URB2: variants seen among roughly 807,000 people sequenced by gnomAD.
URB2 encodes unhealthy ribosome biogenesis protein 2 homolog.
Under a neutral mutation model 120.9 loss-of-function variants are expected in URB2, and 86 were observed. The ratio of observed to expected loss-of-function variants is 0.71; its 90% CI spans 0.60 to 0.85. The LOEUF (loss-of-function observed/expected upper bound fraction) is 0.85, where lower values mean the gene tolerates loss of function less well. URB2 is among the 40% of genes least tolerant of loss of function. URB2 has a pLI of 0.00. For missense variants in URB2, 1,765 were observed against 1,836.5 expected, an observed-to-expected ratio of 0.96 and a Z score of 0.71; for synonymous variants, 755 against 758.4, an observed-to-expected ratio of 1.00 and a Z score of 0.07.
At position 229,636,498 on chromosome 1, in the gene URB2, T is replaced by C. The variant is rs1665826286; in HGVS notation, c.1885T>C (p.Ser629Pro). The C allele has an allele frequency of 6.2e-7, 1 of 1,614,114 alleles. No homozygotes were observed. Among genetic ancestry groups the C allele is most frequent in the Non-Finnish European group, 8.5e-7 (1 of 1,180,038 alleles). ...CAGTTTGAACTGTAGCCAGTATCACTCTATGTCTGGGCCCCTTATAGGTGT... is the reference window on the plus strand; with the variant it reads ...CAGTTTGAACTGTAGCCAGTATCACCCTATGTCTGGGCCCCTTATAGGTGT... ...MFSLNCSQYH[S>P]MSGPLIGVAL... Residue 629 changes from serine to proline, a missense_variant, in exon 4 of 10, where the codon TCT becomes CCT. By Grantham distance (74) the Ser-to-Pro change is moderately conservative. Coordinates refer to ENST00000258243, the MANE Select transcript of URB2 (RefSeq NM_014777.4).
In URB2 at chr1:229,647,640, C is replaced by T. The variant is rs1282686537; in HGVS notation, c.4037C>T (p.Ala1346Val). The T allele has an allele frequency of 1.2e-6, 2 of 1,614,140 alleles. No individual in the cohort carries two copies. Among genetic ancestry groups the T allele is most frequent in the South Asian group, 2.2e-5 (2 of 91,066 alleles). ...GGCAACCCCCACCACGTCAGCCTGG[C>T]CTTCAGCATCCTTCTCACTGTCCCT... ...AIGNPHHVSL[A>V]FSILLTVPLD... The change falls in exon 7 of 10, where the codon GCC becomes GTC. Residue 1346 changes from alanine to valine, a missense_variant. Physicochemically the swap from Ala to Val is moderately conservative, Grantham distance 64. Coordinates refer to ENST00000258243, the MANE Select transcript of URB2 (RefSeq NM_014777.4).
In URB2 at chr1:229,643,676, T is replaced by A. The variant is rs1666067345; in HGVS notation, c.3778T>A (p.Trp1260Arg). ...ILQGLDVSNM[W>R]KADVQAVVSA... ...CCAGGGACTGGATGTCAGTAACATG[T>A]GGAAAGCAGATGTGCAGGTGGGTGC... Residue 1260 changes from tryptophan to arginine, a missense_variant, in exon 5 of 10, where the codon TGG (tryptophan) becomes AGG (arginine). Coordinates refer to ENST00000258243, the MANE Select transcript of URB2 (RefSeq NM_014777.4). 2 of 1,613,770 alleles carry A rather than the reference T, an allele frequency of 1.2e-6. No homozygotes were observed. The highest frequency in any genetic ancestry group is 1.7e-6 in the Non-Finnish European group (2 of 1,179,926).
Position 229,637,132 on chromosome 1 carries a change from G to A in URB2, c.2519G>A (p.Trp840Ter). 6.2e-7 allele frequency: 1 copy of A among 1,613,106 alleles called. No individual in the cohort carries two copies. The highest frequency in any genetic ancestry group is 8.5e-7 in the Non-Finnish European group (1 of 1,179,402). Residue 840 changes from tryptophan to a stop codon, truncating the protein, a stop_gained, in exon 4 of 10, where the codon TGG becomes TAG. Transcript: ENST00000258243. LOFTEE classifies it high-confidence loss of function. ...GGTCTTGTCAGTCAGCAGCTTCCCT[G>A]GCTTTTTGAAAAGGACCACATGGTT... The part of the protein sequence containing the change: ...DSGLVSQQLP[W>*]LFEKDHMVVG...
intron 7 of URB2, among the ~76,000 whole-genome samples, chr1:229,648,877 A>G (rs150293054): frequency 1.2e-4 from 19 of 152,346 alleles, no homozygotes; most frequent in African/African-American, 4.3e-4. Flanking sequence ...CATAGATCGT[A>G]TAATACTTTC....
At chr1:229,644,817 A>G (rs1289629682) in intron 5 of URB2, among the ~76,000 whole-genome samples, 3 of 152,150 alleles carry the variant, frequency 2.0e-5, no homozygotes, top group Admixed American at 6.5e-5. Flanking sequence ...GACAATGTGA[A>G]ATGCCTGGCA....
intron 7 of URB2, among the ~76,000 whole-genome samples, chr1:229,650,336 C>T (rs1666237499): frequency 6.6e-6 from 1 of 152,294 alleles, no homozygotes; most frequent in South Asian, 2.1e-4. Context: ...TAAGTAGTCA[C>T]ATGTGGCTGG....
In URB2 at chr1:229,636,813, A is replaced by G; in HGVS notation, c.2200A>G (p.Thr734Ala). 1.9e-6 allele frequency: 3 copies of G among 1,613,032 alleles called. No homozygotes were observed. Among genetic ancestry groups the G allele is most frequent in the Non-Finnish European group, 2.5e-6 (3 of 1,179,150 alleles). Residue 734 changes from threonine (T) to alanine (A), a missense_variant, in exon 4 of 10, where the codon ACA becomes GCA. Physicochemically the swap from Thr to Ala is moderately conservative, Grantham distance 58. Transcript: ENST00000258243. ...CCAAGTTGGGATGGTGAGTGGACTC[A>G]CATACCCTGTAGCACACTGGCACTT... ...DGQVGMVSGL[T>A]YPVAHWHLIV...
chr1:229,639,229 G>A (rs1217939188), intron 4 of URB2, among the ~76,000 whole-genome samples: 1 of 151,996 alleles, frequency 6.6e-6, no homozygotes, highest in Admixed American at 6.6e-5. Context: ...CAGGGAGGTC[G>A]GTGCTGCAGT....
At chr1:229,634,809 C>A in intron 3 of URB2, 108 bp from the exon 4 acceptor site, 1 of 1,042,528 alleles carries the variant, frequency 9.6e-7, no homozygotes. Flanking sequence ...TCTTTCTTAC[C>A]AAGATGAGGG....
At position 229,636,732 on chromosome 1, in the gene URB2, A is replaced by C. The variant is rs750326524; in HGVS notation, c.2119A>C (p.Ile707Leu). The change falls in exon 4 of 10, where the codon ATT becomes CTT. Residue 707 changes from isoleucine (I) to leucine (L), a missense_variant. Coordinates refer to ENST00000258243, the MANE Select transcript of URB2 (RefSeq NM_014777.4). ...IQSLRCDAAF[I>L]IGSGRKSLNQ... is the part of the protein sequence containing the mutation. Reference sequence around the variant, plus strand: ...AAGTTTGAGGTGCGATGCTGCCTTTATTATTGGTTCCGGCAGAAAAAGCTT... The same window carrying C: ...AAGTTTGAGGTGCGATGCTGCCTTTCTTATTGGTTCCGGCAGAAAAAGCTT... 1 of 1,612,736 alleles carries C rather than the reference A, an allele frequency of 6.2e-7. No homozygotes were observed. Among genetic ancestry groups the C allele is most frequent in the Admixed American group, 1.7e-5 (1 of 59,716 alleles).
At position 229,638,191 on chromosome 1, in the gene URB2, C is replaced by T; in HGVS notation, c.3578C>T (p.Pro1193Leu). 1.9e-6 allele frequency: 3 copies of T among 1,611,786 alleles called. No individual in the cohort carries two copies. The highest frequency in any genetic ancestry group is 1.1e-5 in the South Asian group (1 of 90,854). The change falls in exon 4 of 10, where the codon CCC becomes CTC. Residue 1193 changes from proline to leucine, a missense_variant. Physicochemically the swap from Pro to Leu is moderately conservative, Grantham distance 98. Coordinates refer to ENST00000258243, the MANE Select transcript of URB2 (RefSeq NM_014777.4). ...TTCTTTTTGGCCCCAGAACTGCATC[C>T]CAAAAAGGACTCCGTGTTTACCTCC... Reference protein sequence around the residue: ...TLFFLAPELHPKKDSVFTSMF... With the variant: ...TLFFLAPELHLKKDSVFTSMF...
intron 2 of URB2, among the ~76,000 whole-genome samples, chr1:229,630,146 T>C (rs574874150): frequency 1.9e-4 from 29 of 152,336 alleles, no homozygotes; most frequent in African/African-American, 6.7e-4. Flanking sequence ...TTGACCTCTT[T>C]CCATGATTCA....
At position 229,654,270 on chromosome 1, in the gene URB2, C is replaced by A. The variant is rs144397425; in HGVS notation, c.4259C>A (p.Thr1420Lys). The A allele has an allele frequency of 5.0e-6, 8 of 1,613,872 alleles. No homozygotes were observed. Among genetic ancestry groups the A allele is most frequent in the Non-Finnish European group, 6.8e-6 (8 of 1,179,938 alleles). Residue 1420 changes from threonine (T) to lysine (K), a missense_variant, in exon 9 of 10, where the codon ACG becomes AAG. Thr to Lys is a moderately conservative substitution (Grantham distance 78). Coordinates refer to ENST00000258243, the MANE Select transcript of URB2 (RefSeq NM_014777.4). ...GTAGGAAGCATAGATGACCTGCCTA[C>A]GGTCCTAAAGTGTGCACGCCTGGTT... is the stretch of plus-strand genomic sequence containing the variant. The part of the protein sequence containing the change: ...KDKGSIDDLP[T>K]VLKCARLVER...
chr1:229,655,740 G>C (rs1345696592), intron 9 of URB2, among the ~76,000 whole-genome samples: 1 of 152,128 alleles, frequency 6.6e-6, no homozygotes, highest in Non-Finnish European at 1.5e-5. Context: ...CATTTATATT[G>C]TGTTCAATCT....
chr1:229,643,357 G>A (rs1666058987), intron 4 of URB2, among the ~76,000 whole-genome samples, 176 bp from the exon 5 acceptor site: 1 of 152,246 alleles, frequency 6.6e-6, no homozygotes, highest in East Asian at 1.9e-4. Flanking sequence ...GCGTGTGAGA[G>A]CATGGCATCA....
intron 9 of URB2, among the ~76,000 whole-genome samples, chr1:229,657,652 T>G (rs983874133): frequency 3.4e-4 from 52 of 152,360 alleles, no homozygotes; most frequent in African/African-American, 1.3e-3. Flanking sequence ...TCCCTCCCAA[T>G]TACCTTGCTG....
At chr1:229,650,926 A>G (rs1666252661) in intron 7 of URB2, 1 of 176,978 alleles carries the variant, frequency 5.7e-6, no homozygotes, top group African/African-American at 2.4e-5. Context: ...GATTAGCACC[A>G]GCTTAGAGTA....
In URB2 at chr1:229,635,838, T is replaced by A; in HGVS notation, c.1225T>A (p.Phe409Ile). The stretch of plus-strand genomic sequence containing the variant: ...TGCACAAGCACCCATACCGGCCTGG[T>A]TCCGCTGTCTGAAGACTTTGATATC... ...NHAQAPIPAW[F>I]RCLKTLISLN... Residue 409 changes from phenylalanine to isoleucine, a missense_variant, in exon 4 of 10, where the codon TTC (phenylalanine) becomes ATC (isoleucine). Coordinates refer to ENST00000258243, the MANE Select transcript of URB2 (RefSeq NM_014777.4). 1 of 1,614,098 alleles carries A rather than the reference T, an allele frequency of 6.2e-7. No individual in the cohort carries two copies. Among genetic ancestry groups the A allele is most frequent in the Non-Finnish European group, 8.5e-7 (1 of 1,179,960 alleles).
intron 7 of URB2, among the ~76,000 whole-genome samples, chr1:229,649,234 T>C (rs1666216237): frequency 6.6e-6 from 1 of 152,182 alleles, no homozygotes; most frequent in Admixed American, 6.5e-5. Flanking sequence ...AGAAAAATAT[T>C]CTCTGGTAAG....
Sources: allele counts gnomAD v4.1 joint callset (sites outside exome capture counted in the v4.1 genomes callset), GRCh38; gene constraint gnomAD v4.1.1; transcripts MANE v1.5; gene names NCBI Gene and HGNC (gene_info 2026-07-23, HGNC 2026-07-21).